The following SH3GLB1 variants were observed in gnomAD, a reference collection of about 807,000 sequenced individuals.
SH3GLB1 encodes endophilin-B1.
SH3GLB1 carries 17 observed loss-of-function variants against 42.0 expected under a neutral mutation model. The ratio of observed to expected loss-of-function variants is 0.40; its 90% CI spans 0.28 to 0.61. The LOEUF (loss-of-function observed/expected upper bound fraction) is 0.61. Among genes scored for constraint, SH3GLB1 ranks in the 20% least tolerant of loss-of-function variants. The probability of loss-of-function intolerance (pLI) is 0.36; values close to 1 mark genes in which losing one functional copy is unlikely to be tolerated. For missense variants in SH3GLB1, 355 were observed against 426.3 expected, an observed-to-expected ratio of 0.83 and a Z score of 1.47; for synonymous variants, 132 against 146.6, an observed-to-expected ratio of 0.90 and a Z score of 0.72.
At chr1:86,730,092 G>A in intron 5 of SH3GLB1, 1 of 1,595,046 alleles carries the variant, frequency 6.3e-7, no homozygotes, top group Non-Finnish European at 8.5e-7. Flanking sequence ...GGCTAGATTT[G>A]GGCAGAGGAG....
At chr1:86,737,960 G>A (rs559938452) in intron 7 of SH3GLB1, among the ~76,000 whole-genome samples, 36 of 152,264 alleles carry the variant, frequency 2.4e-4, no homozygotes, top group Non-Finnish European at 4.7e-4. Context: ...TAGAGGAAAC[G>A]GGGAGCCAAA....
intron 3 of SH3GLB1, among the ~76,000 whole-genome samples, chr1:86,721,849 A>G (rs1476282545): frequency 1.3e-5 from 2 of 152,126 alleles, no homozygotes; most frequent in Non-Finnish European, 2.9e-5. Flanking sequence ...CTCAGGTGTC[A>G]TATAAAATGG....
At chr1:86,708,710 G>C (rs953464986) in intron 1 of SH3GLB1, among the ~76,000 whole-genome samples, 2 of 152,112 alleles carry the variant, frequency 1.3e-5, no homozygotes, top group African/African-American at 4.8e-5. Context: ...ATTCACCCTT[G>C]CTTAATTGTT....
chr1:86,724,276 A>G (rs754289283), intron 4 of SH3GLB1, 37 bp from the exon 5 acceptor site: 2 of 1,427,428 alleles, frequency 1.4e-6, no homozygotes, highest in East Asian at 2.3e-5. Context: ...GAATTTTAGC[A>G]TCTTTAGCCC....
In SH3GLB1 at chr1:86,743,116, T is replaced by C; in HGVS notation, c.991-12T>C. 6.2e-7 allele frequency: 1 copy of C among 1,602,500 alleles called. No homozygotes were observed. The highest frequency in any genetic ancestry group is 8.5e-7 in the Non-Finnish European group (1 of 1,172,152). Reference sequence around the variant, plus strand: ...TAATGTAGTTAATAACTGGAAGTATTTTATTTTGCAGGTGATCACTGTGTT... The same window carrying C: ...TAATGTAGTTAATAACTGGAAGTATCTTATTTTGCAGGTGATCACTGTGTT... On this transcript the variant is annotated splice_polypyrimidine_tract_variant and intron_variant, in intron 8 of 8. Coordinates refer to ENST00000370558, the MANE Select transcript of SH3GLB1 (RefSeq NM_016009.5).
In SH3GLB1 at chr1:86,706,030, G is replaced by C. The variant is rs551578904; in HGVS notation, c.72+1059G>C. ...CCCTGGCAAAAGAGTAGTAGAGCTA[G>C]AGCAAGGTAATAGCTGCCTATATTA... On this transcript the variant is annotated intron_variant, in intron 1 of 8. Transcript: ENST00000370558. Among the ~76,000 whole-genome samples the C allele has an allele frequency of 2.0e-5, 3 of 152,340 alleles. No individual in the cohort carries two copies. The South Asian group carries it at 6.2e-4, about 32-fold the overall frequency.
intron 7 of SH3GLB1, among the ~76,000 whole-genome samples, 172 bp downstream of exon 7, chr1:86,735,351 G>A (rs909082728): frequency 1.3e-5 from 2 of 152,086 alleles, no homozygotes; most frequent in African/African-American, 4.8e-5. Flanking sequence ...AATATTTTGA[G>A]CTTTTCTGGC....
intron 8 of SH3GLB1, 151 bp downstream of exon 8, chr1:86,742,587 TTAATAGAATA>T: frequency 1.9e-6 from 1 of 515,334 alleles, no homozygotes; most frequent in Non-Finnish European, 3.4e-6. Context: ...TTAATATTCT[TTAATAGAATA>T]TCATAGAAAT....
At position 86,730,283 on chromosome 1, in the gene SH3GLB1, C is replaced by T. The variant is rs1655432719; in HGVS notation, c.571-4319C>T. 3 of 985,148 alleles carry T rather than the reference C, an allele frequency of 3.0e-6. 1 individual carries two copies. The highest frequency in any genetic ancestry group is 1.2e-4 in the Admixed American group (2 of 16,230). The allele number at this position is 985,148 out of a possible 1,614,324, so 61.0% of individuals were successfully genotyped here. ...GTCTCTTTAGCTAATAGAAGCTCCA[C>T]CAAGCAGTTGAACAATGCTGCAGAG... On this transcript the variant is annotated intron_variant, in intron 5 of 8. Transcript: ENST00000370558.
intron 7 of SH3GLB1, among the ~76,000 whole-genome samples, chr1:86,740,974 ATAATATGATAAAATG>A (rs1656031683): frequency 6.6e-6 from 1 of 152,168 alleles, no homozygotes; most frequent in Admixed American, 6.6e-5. Flanking sequence ...GGAAGGAAAG[ATAATATGATAAAATG>A]TAATATGATA....
chr1:86,705,278 C>T (rs1238100360), intron 1 of SH3GLB1, among the ~76,000 whole-genome samples: 2 of 152,158 alleles, frequency 1.3e-5, no homozygotes, highest in Non-Finnish European at 2.9e-5. Context: ...CGTCAGTGCT[C>T]CTGTGGCCTC....
intron 2 of SH3GLB1, among the ~76,000 whole-genome samples, chr1:86,718,361 A>C (rs1654674776): frequency 6.6e-6 from 1 of 152,102 alleles, no homozygotes; most frequent in South Asian, 2.1e-4. Context: ...GAAGTTCTGA[A>C]ATTTAACTAG....
chr1:86,728,869 A>G (rs1380659592), intron 5 of SH3GLB1, among the ~76,000 whole-genome samples: 4 of 152,126 alleles, frequency 2.6e-5, no homozygotes, highest in African/African-American at 4.8e-5. Context: ...AGTAGCTTCA[A>G]GATTTACCTT....
chr1:86,741,199 A>G (rs1656045137), intron 7 of SH3GLB1, among the ~76,000 whole-genome samples: 1 of 152,202 alleles, frequency 6.6e-6, no homozygotes, highest in African/African-American at 2.4e-5. Context: ...GGGAAGGTTT[A>G]GAGAAGAGGT....
At chr1:86,718,849 C>T (rs535207504) in intron 2 of SH3GLB1, among the ~76,000 whole-genome samples, 1 of 152,112 alleles carries the variant, frequency 6.6e-6, no homozygotes, top group Non-Finnish European at 1.5e-5. Flanking sequence ...TTTAACCTTT[C>T]GTATTTTAAA....
intron 7 of SH3GLB1, among the ~76,000 whole-genome samples, chr1:86,736,709 A>G (rs1270908404): frequency 6.6e-6 from 1 of 152,224 alleles, no homozygotes; most frequent in Non-Finnish European, 1.5e-5. Flanking sequence ...TCTTTGAGAT[A>G]AGCTCCAGCA....
At chr1:86,737,950 T>C (rs1251766194) in intron 7 of SH3GLB1, among the ~76,000 whole-genome samples, 13 of 151,760 alleles carry the variant, frequency 8.6e-5, no homozygotes, top group African/African-American at 1.7e-4. Flanking sequence ...TAGAGACGAG[T>C]AGAGGAAACG....
chr1:86,723,763 A>G (rs950728413), intron 4 of SH3GLB1, among the ~76,000 whole-genome samples: 4 of 152,228 alleles, frequency 2.6e-5, no homozygotes, highest in African/African-American at 9.6e-5. Flanking sequence ...AGCCCACCCA[A>G]TCCTTGAGGT....
At chr1:86,715,948 G>A (rs902569508) in intron 2 of SH3GLB1, 83 bp downstream of exon 2, 1 of 1,397,064 alleles carries the variant, frequency 7.2e-7, no homozygotes, top group Admixed American at 2.6e-5. Context: ...ATGGCCATCT[G>A]AAAACATAGG....
Sources: allele counts gnomAD v4.1 joint callset (sites outside exome capture counted in the v4.1 genomes callset), GRCh38; gene constraint gnomAD v4.1.1; transcripts MANE v1.5; gene names NCBI Gene and HGNC (gene_info 2026-07-23, HGNC 2026-07-21).